RP1: variants seen among roughly 807,000 people sequenced by gnomAD.
RP1 encodes the protein oxygen-regulated protein 1.
RP1 carries 16 observed loss-of-function variants against 14.8 expected under a neutral mutation model. That is an observed-to-expected ratio of 1.08 (90% CI 0.73 to 1.65). RP1 has a LOEUF of 1.65. Ranked by LOEUF, RP1 falls within the 40% of genes most tolerant of loss-of-function variation. The probability of loss-of-function intolerance (pLI) is 0.00; values close to 1 mark genes in which losing one functional copy is unlikely to be tolerated. For synonymous variants in RP1, 876 were observed against 883.6 expected, an observed-to-expected ratio of 0.99 and a Z score of 0.15; for missense variants, 2,631 against 2,535.0, an observed-to-expected ratio of 1.04 and a Z score of -0.81.
intron 19 of RP1, among the ~76,000 whole-genome samples, chr8:54,739,270 T>C (rs1226488466): frequency 6.6e-6 from 1 of 152,168 alleles, no homozygotes; most frequent in Non-Finnish European, 1.5e-5. Context: ...TTTTTCGACT[T>C]ATGATGGCGT....
Position 54,806,392 on chromosome 8 carries a change from A to G in RP1, c.3615+22682A>G, listed in dbSNP as rs933499432. ...ACATCCTTTCAGTGTGGAATCATGG[A>G]CATTTATCTTAGTTAGAGCTGATTT... is the stretch of plus-strand genomic sequence containing the variant. On this transcript the variant is annotated intron_variant, in intron 24 of 28. Coordinates refer to the RP1 transcript ENST00000637698. 2.0e-5 allele frequency among the ~76,000 whole-genome samples: 3 copies of G among 152,162 alleles called. No individual in the cohort carries two copies. The South Asian group carries it at 6.2e-4, about 32-fold the overall frequency.
intron 1 of RP1, among the ~76,000 whole-genome samples, chr8:54,603,501 G>A (rs547432131): frequency 6.6e-6 from 1 of 152,284 alleles, no homozygotes. Flanking sequence ...TTTTGCCTTA[G>A]GATTGACTTG....
In RP1 at chr8:54,865,206, T is replaced by G. The variant is rs1022586855; in HGVS notation, c.4070-629T>G. Among the ~76,000 whole-genome samples, 3 of 152,216 alleles carry G rather than the reference T, an allele frequency of 2.0e-5. No homozygotes were observed. The East Asian group carries it at 5.8e-4, about 29-fold the overall frequency. On this transcript the variant is annotated intron_variant, in intron 27 of 28. Transcript: ENST00000637698. ...ATGTATTAATTATATTTCTAACAAT[T>G]TTTCTCATCACTCTTAATTCTATAT... is the stretch of plus-strand genomic sequence containing the variant.
chr8:54,622,897 G>A (rs1163111888), intron 3 of RP1, among the ~76,000 whole-genome samples: 5 of 152,214 alleles, frequency 3.3e-5, no homozygotes, highest in Admixed American at 3.3e-4. Context: ...TTCAGGCCCA[G>A]GGATGTGGGA....
intron 27 of RP1, among the ~76,000 whole-genome samples, chr8:54,859,481 C>T (rs529693470): frequency 5.4e-5 from 8 of 149,138 alleles, no homozygotes; most frequent in African/African-American, 7.4e-5. Context: ...CACTGTGGAG[C>T]GTTGTCACTA....
At chr8:54,848,183 C>T (rs1045223087) in intron 25 of RP1, among the ~76,000 whole-genome samples, 5 of 152,160 alleles carry the variant, frequency 3.3e-5, no homozygotes, top group African/African-American at 1.2e-4. Flanking sequence ...GCAGTCATCT[C>T]GGGCAGCAAA....
At chr8:54,728,111 G>A (rs1808701579) in intron 17 of RP1, among the ~76,000 whole-genome samples, 1 of 152,064 alleles carries the variant, frequency 6.6e-6, no homozygotes, top group African/African-American at 2.4e-5. Context: ...CCATGATATG[G>A]TTAAATTTTG....
chr8:54,760,750 A>G (rs575276359), intron 22 of RP1, among the ~76,000 whole-genome samples: 1 of 152,264 alleles, frequency 6.6e-6, no homozygotes, highest in Admixed American at 6.5e-5. Context: ...TGTCCCTCGG[A>G]GTGCTAGTCT....
At chr8:54,867,081 A>C (rs957359972) in intron 28 of RP1, among the ~76,000 whole-genome samples, 4 of 152,196 alleles carry the variant, frequency 2.6e-5, no homozygotes, top group Non-Finnish European at 5.9e-5. Context: ...ACGCTACATG[A>C]AGCTGGAGAG....
chr8:54,748,433 C>G (rs939746115), intron 19 of RP1, among the ~76,000 whole-genome samples: 4 of 152,138 alleles, frequency 2.6e-5, no homozygotes, highest in Non-Finnish European at 4.4e-5. Context: ...CAAAGTTGTG[C>G]CAGCTTATTT....
At chr8:54,652,937 C>T in intron 5 of RP1, 4 of 1,049,476 alleles carry the variant, frequency 3.8e-6, no homozygotes, top group Non-Finnish European at 5.7e-6. Context: ...GTCAACTCAT[C>T]ATGCCTATAA....
intron 15 of RP1, among the ~76,000 whole-genome samples, chr8:54,718,780 G>A (rs555305374): frequency 6.6e-6 from 1 of 152,272 alleles, no homozygotes; most frequent in South Asian, 2.1e-4. Flanking sequence ...GGACATTCTG[G>A]AAAATGCAAA....
At chr8:54,599,534 C>T (rs1368403329) in intron 1 of RP1, among the ~76,000 whole-genome samples, 1 of 151,732 alleles carries the variant, frequency 6.6e-6, no homozygotes, top group Non-Finnish European at 1.5e-5. Flanking sequence ...TCTCGGCTCA[C>T]TGCAACCTCT....
intron 22 of RP1, among the ~76,000 whole-genome samples, chr8:54,766,598 A>G (rs930319889): frequency 2.6e-5 from 4 of 152,164 alleles, no homozygotes; most frequent in Non-Finnish European, 4.4e-5. Flanking sequence ...GCCATTTTCA[A>G]TGTGAAAGTG....
At chr8:54,749,535 A>G (rs1244647778) in intron 19 of RP1, among the ~76,000 whole-genome samples, 2 of 152,034 alleles carry the variant, frequency 1.3e-5, no homozygotes, top group Non-Finnish European at 2.9e-5. Flanking sequence ...CTCCATTGAT[A>G]TCTAGGTTGA....
In RP1 at chr8:54,630,706, A is replaced by G; in HGVS notation, c.*353A>G. 9.1e-7 allele frequency: 1 copy of G among 1,093,416 alleles called. No homozygotes were observed. The highest frequency in any genetic ancestry group is 7.6e-5 in the East Asian group (1 of 13,204). The allele number at this position is 1,093,416 out of a possible 1,614,324, so 67.7% of individuals were successfully genotyped here. On this transcript the variant is annotated 3_prime_UTR_variant, in exon 4 of 4. Transcript: ENST00000220676. The stretch of plus-strand genomic sequence containing the variant: ...AAAAATGTTGTTAGCTTGGTGTAAA[A>G]TGTATATTGACTGTATTGGTGAATA...
At chr8:54,841,649 C>T (rs930746326) in intron 25 of RP1, among the ~76,000 whole-genome samples, 7 of 152,224 alleles carry the variant, frequency 4.6e-5, no homozygotes, top group African/African-American at 1.7e-4. Flanking sequence ...ATGCCTTTCT[C>T]TGATTTATTC....
At chr8:54,600,320 C>A (rs1363252943) in intron 1 of RP1, among the ~76,000 whole-genome samples, 1 of 152,166 alleles carries the variant, frequency 6.6e-6, no homozygotes, top group Non-Finnish European at 1.5e-5. Flanking sequence ...CCATGTAGAA[C>A]TTTGAGTCAA....
At chr8:54,790,509 C>T (rs577882770) in intron 24 of RP1, among the ~76,000 whole-genome samples, 3 of 150,006 alleles carry the variant, frequency 2.0e-5, no homozygotes, top group African/African-American at 2.5e-5. Flanking sequence ...TGGAGATCTA[C>T]GAACTGTTTG....
Sources: allele counts gnomAD v4.1 joint callset (sites outside exome capture counted in the v4.1 genomes callset), GRCh38; gene constraint gnomAD v4.1.1; transcripts MANE v1.5; gene names NCBI Gene and HGNC (gene_info 2026-07-23, HGNC 2026-07-21).